FMNL3: variants seen among roughly 807,000 people sequenced by gnomAD.
FMNL3 encodes formin-like protein 3.
Under a neutral mutation model 119.6 loss-of-function variants are expected in FMNL3, and 57 were observed. The ratio of observed to expected loss-of-function variants is 0.48; its 90% CI spans 0.39 to 0.59. FMNL3 has a LOEUF of 0.59. FMNL3 is among the 20% of genes least tolerant of loss of function. The pLI, the probability that FMNL3 is intolerant of heterozygous loss-of-function variation, is 0.00. For missense variants in FMNL3, 1,053 were observed against 1,323.5 expected (o/e 0.80, Z 3.17); for synonymous variants, 491 against 507.3 (o/e 0.97, Z 0.43).
Position 49,652,162 on chromosome 12 carries a change from A to C in FMNL3, c.1374T>G (p.Ile458Met). The C allele has an allele frequency of 6.2e-7, 1 of 1,613,318 alleles. No homozygotes were observed. Among genetic ancestry groups the C allele is most frequent in the Non-Finnish European group, 8.5e-7 (1 of 1,179,784 alleles). ...SHQVHTLRRL[I>M]KEKEEAFQRR... ...GCTGAAAGGCCTCCTCCTTCTCTTT[A>C]ATGAGCCTCCGCAGGGTGTGCACCT... The change falls in exon 14 of 26, where the codon ATT (isoleucine) becomes ATG (methionine). Residue 458 changes from isoleucine (I) to methionine (M), a missense_variant. Physicochemically the swap from Ile to Met is conservative, Grantham distance 10 (BLOSUM62 1). This residue lies in a region of FMNL3 where 445 missense variants were observed against 628.4 expected (regional missense o/e 0.71). Coordinates refer to ENST00000335154, the MANE Select transcript of FMNL3 (RefSeq NM_175736.5).
rs749756538 is a variant in FMNL3, at chr12:49,651,978, G to C, written c.1558C>G (p.Pro520Ala). The C allele has an allele frequency of 6.2e-6, 10 of 1,606,406 alleles. No homozygotes were observed. Among genetic ancestry groups the C allele is most frequent in the Non-Finnish European group, 8.5e-6 (10 of 1,176,250 alleles). The change falls in exon 14 of 26, where the codon CCA becomes GCA. Residue 520 changes from proline (P) to alanine (A), a missense_variant. Around this residue, in one of 4 missense-constraint regions of FMNL3, gnomAD observed 445 missense variants for 628.4 expected, o/e 0.71. Coordinates refer to ENST00000335154, the MANE Select transcript of FMNL3 (RefSeq NM_175736.5). ...GGGGGCAAGGGCGGAGCTGGTGGTG[G>C]AGGAAGAGGCAGGACCTCCTCAGGG... ...PPPEEVLPLPPPPAPPLPPPP... is the reference protein window; with the variant it reads ...PPPEEVLPLPAPPAPPLPPPP...
In FMNL3 at chr12:49,644,883, A is replaced by C. The variant is rs544457029; in HGVS notation, c.*932T>G. 1 of 152,708 alleles carries C rather than the reference A, an allele frequency of 6.5e-6. No homozygotes were observed. Among genetic ancestry groups the C allele is most frequent in the African/African-American group, 2.4e-5 (1 of 41,508 alleles). 9.5% of individuals were successfully genotyped at this position (152,708 alleles called of 1,614,324 possible). ...TATCCCCATAGCCCAGGTCAGACTAAATGGCCACCCTAGCCCCCTAAGCTC... is the reference window on the plus strand; with the variant it reads ...TATCCCCATAGCCCAGGTCAGACTACATGGCCACCCTAGCCCCCTAAGCTC... On this transcript the variant is annotated 3_prime_UTR_variant, in exon 26 of 26. Transcript: ENST00000335154.
Position 49,661,844 on chromosome 12 carries a change from T to TTCCTGTCCAGGATTCCCATTTCCA in FMNL3, c.452+98_452+121dup, listed in dbSNP as rs1226282450. Reference sequence around the variant, plus strand: ...TCCACACCACTGCTTGGGCTACTCCTTCCTGTCCAGGATTCCCATTTCCAT... The same window carrying TTCCTGTCCAGGATTCCCATTTCCA: ...TCCACACCACTGCTTGGGCTACTCCTTCCTGTCCAGGATTCCCATTTCCATCCTGTCCAGGATTCCCATTTCCAT... On this transcript the variant is annotated intron_variant, in intron 5 of 25. Transcript: ENST00000335154. 6 of 962,024 alleles carry TTCCTGTCCAGGATTCCCATTTCCA rather than the reference T, an allele frequency of 6.2e-6. No homozygotes were observed. The African/African-American group carries it at 9.6e-5, about 15-fold the overall frequency. 59.6% of individuals were successfully genotyped at this position (962,024 alleles called of 1,614,324 possible).
chr12:49,641,994 C>T lies in FMNL3; in HGVS notation c.*3821G>A, dbSNP rs139833340. On this transcript the variant is annotated 3_prime_UTR_variant, in exon 26 of 26. Coordinates refer to ENST00000335154, the MANE Select transcript of FMNL3 (RefSeq NM_175736.5). ...TTGACAAGAGGGCTGCCGCACTGGA[C>T]GCAGGCAACATCAAGCTGACCTTCA... The T allele has an allele frequency of 5.9e-5, 95 of 1,613,490 alleles. No individual in the cohort carries two copies. Among genetic ancestry groups the T allele is most frequent in the African/African-American group, 3.3e-4 (25 of 75,052 alleles).
At chr12:49,702,963 G>T (rs1944949210) in intron 1 of FMNL3, among the ~76,000 whole-genome samples, 1 of 152,164 alleles carries the variant, frequency 6.6e-6, no homozygotes, top group Non-Finnish European at 1.5e-5. Flanking sequence ...ACCCAGGCCA[G>T]CTTAGCTCCC....
intron 1 of FMNL3, among the ~76,000 whole-genome samples, chr12:49,701,756 T>C (rs1319265802): frequency 6.6e-6 from 1 of 151,880 alleles, no homozygotes; most frequent in Non-Finnish European, 1.5e-5. Context: ...AAACCCCGTC[T>C]CTACTAAAAA....
chr12:49,653,409 G>C, intron 12 of FMNL3, 82 bp from the exon 13 acceptor site: 1 of 1,406,412 alleles, frequency 7.1e-7, no homozygotes, highest in Non-Finnish European at 1.0e-6. Context: ...CAAGACCTGA[G>C]TCGGACCCCT....
At chr12:49,701,394 C>T (rs1592702404) in intron 1 of FMNL3, among the ~76,000 whole-genome samples, 1 of 152,144 alleles carries the variant, frequency 6.6e-6, no homozygotes, top group African/African-American at 2.4e-5. Context: ...ATTATTCCCT[C>T]TTTTAAAAAC....
At position 49,649,666 on chromosome 12, in the gene FMNL3, G is replaced by A. The variant is rs1943332901; in HGVS notation, c.2235+25C>T. 6.2e-7 allele frequency: 1 copy of A among 1,613,050 alleles called. No homozygotes were observed. Among genetic ancestry groups the A allele is most frequent in the African/African-American group, 1.3e-5 (1 of 74,918 alleles). On this transcript the variant is annotated intron_variant, in intron 18 of 25. Coordinates refer to ENST00000335154, the MANE Select transcript of FMNL3 (RefSeq NM_175736.5). The surrounding 1 kb of genome is among the most constrained non-coding windows in gnomAD (Gnocchi z 5.6). ...GAGGGTGGAGGGACAGCTGTCCAGA[G>A]CCATGAGTTGGGTGGGGGCTGTACC...
intron 1 of FMNL3, among the ~76,000 whole-genome samples, chr12:49,688,125 G>A (rs1592687539): frequency 1.3e-5 from 2 of 152,218 alleles, no homozygotes; most frequent in East Asian, 3.8e-4. Flanking sequence ...TGGGAGGCAC[G>A]CCAAACACTG....
chr12:49,692,350 C>T (rs767054651), intron 1 of FMNL3, among the ~76,000 whole-genome samples: 3 of 151,814 alleles, frequency 2.0e-5, no homozygotes. Flanking sequence ...TCAGTCTACC[C>T]CCTCCCTACC....
In FMNL3 at chr12:49,639,689, A is replaced by G. The variant is rs1330638604; in HGVS notation, c.*6126T>C. The G allele has an allele frequency of 6.6e-6, 1 of 152,228 alleles. No homozygotes were observed. The highest frequency in any genetic ancestry group is 1.9e-4 in the East Asian group (1 of 5,204). 9.4% of individuals were successfully genotyped at this position (152,228 alleles called of 1,614,324 possible). A position where few individuals can be genotyped will look rare whatever the true frequency, so the allele number is the denominator to read the frequency against. On this transcript the variant is annotated 3_prime_UTR_variant, in exon 26 of 26. Coordinates refer to ENST00000335154, the MANE Select transcript of FMNL3 (RefSeq NM_175736.5). ...AATAAACTGTTTCTGCTGTTTAAAA[A>G]AAAAAGGGAGAATTCAACACCAGTG... is the stretch of plus-strand genomic sequence containing the variant.
Position 49,636,746 on chromosome 12 carries a change from T to C in FMNL3, c.*9069A>G, listed in dbSNP as rs1384865325. The C allele has an allele frequency of 6.2e-7, 1 of 1,614,198 alleles. No individual in the cohort carries two copies. Among genetic ancestry groups the C allele is most frequent in the South Asian group, 1.1e-5 (1 of 91,080 alleles). On this transcript the variant is annotated 3_prime_UTR_variant, in exon 26 of 26. Coordinates refer to ENST00000335154, the MANE Select transcript of FMNL3 (RefSeq NM_175736.5). ...GACAAGGAAGATGCACTGATCTGTTTTGAGGAGCACATCCGAGCTTTGGAG... is the reference window on the plus strand; with the variant it reads ...GACAAGGAAGATGCACTGATCTGTTCTGAGGAGCACATCCGAGCTTTGGAG...
At position 49,647,653 on chromosome 12, in the gene FMNL3, C is replaced by T; in HGVS notation, c.2778+50G>A. The T allele has an allele frequency of 6.5e-7, 1 of 1,526,760 alleles. No homozygotes were observed. Among genetic ancestry groups the T allele is most frequent in the Non-Finnish European group, 9.1e-7 (1 of 1,101,836 alleles). The allele number at this position is 1,526,760 out of a possible 1,614,324, so 94.6% of individuals were successfully genotyped here. A position where few individuals can be genotyped will look rare whatever the true frequency, so the allele number is the denominator to read the frequency against. ...ACTTTAAGCCCAGGCTTCTCTCCCC[C>T]AGCCAGTTTTCTCGCAACCAAACTT... On this transcript the variant is annotated intron_variant, in intron 23 of 25. Coordinates refer to ENST00000335154, the MANE Select transcript of FMNL3 (RefSeq NM_175736.5). The surrounding 1 kb of genome is among the most constrained non-coding windows in gnomAD (Gnocchi z 4.9).
At chr12:49,651,334 C>T in intron 15 of FMNL3, 42 bp from the exon 16 acceptor site, 1 of 1,604,094 alleles carries the variant, frequency 6.2e-7, no homozygotes, top group Non-Finnish European at 8.5e-7. Context: ...GCCAAGGACA[C>T]ACACCCCTGG....
chr12:49,692,334 A>C (rs1050224463), intron 1 of FMNL3, among the ~76,000 whole-genome samples: 1 of 152,028 alleles, frequency 6.6e-6, no homozygotes, highest in Non-Finnish European at 1.5e-5. Context: ...TCCAAAAAAA[A>C]AAACTTCAGT....
chr12:49,651,513 C>A, intron 14 of FMNL3, 63 bp from the exon 15 acceptor site: 1 of 1,281,194 alleles, frequency 7.8e-7, no homozygotes, highest in South Asian at 2.4e-5. Flanking sequence ...GGCTTCCCTC[C>A]CCTCTGCCTG....
At chr12:49,668,994 T>C (rs139267845) in intron 1 of FMNL3, among the ~76,000 whole-genome samples, 265 of 152,214 alleles carry the variant, frequency 1.7e-3, no homozygotes, top group Non-Finnish European at 3.3e-3. Flanking sequence ...AAAGCAGCAA[T>C]TTTTTTCAGT....
At position 49,642,314 on chromosome 12, in the gene FMNL3, T is replaced by C. The variant is rs1460013196; in HGVS notation, c.*3501A>G. On this transcript the variant is annotated 3_prime_UTR_variant, in exon 26 of 26. Coordinates refer to ENST00000335154, the MANE Select transcript of FMNL3 (RefSeq NM_175736.5). The surrounding 1 kb of genome is among the most constrained non-coding windows in gnomAD (Gnocchi z 5.8). ...AGGATGCGGCGCAGGGAAGCTGCCTTTCGAAGCATGCTGAGGCAGGCTGTG... is the reference window on the plus strand; with the variant it reads ...AGGATGCGGCGCAGGGAAGCTGCCTCTCGAAGCATGCTGAGGCAGGCTGTG... 1 of 1,614,130 alleles carries C rather than the reference T, an allele frequency of 6.2e-7. No individual in the cohort carries two copies.
Sources: gnomAD v4.1 joint callset for allele counts (sites outside exome capture counted in the v4.1 genomes callset) on GRCh38, gnomAD v4.1.1 for gene constraint, gnomAD v4.1.1 regional missense constraint, Gnocchi (gnomAD v3.1) non-coding constraint, MANE v1.5 for transcripts, NCBI Gene and HGNC (gene_info 2026-07-23, HGNC 2026-07-21) for gene names.